DOCK3: variants seen among roughly 807,000 people sequenced by gnomAD.
The protein encoded by DOCK3 is dedicator of cytokinesis protein 3.
DOCK3 carries 60 observed loss-of-function variants against 265.6 expected under a neutral mutation model. That is an observed-to-expected ratio of 0.23 (90% CI 0.18 to 0.28). The LOEUF is 0.28. Ranked by LOEUF, DOCK3 falls within the 10% of genes least tolerant of loss-of-function variation. The pLI is 1.00. For synonymous variants in DOCK3, 881 were observed against 938.0 expected (o/e 0.94, Z 1.11); for missense variants, 1,981 against 2,594.3 (o/e 0.76, Z 5.14).
chr3:50,889,066 GGTGTGT>G (rs36180907), intron 3 of DOCK3, among the ~76,000 whole-genome samples: 2,272 of 134,186 alleles, frequency 0.017, 16 homozygotes, highest in Middle Eastern at 0.033. Flanking sequence ...TTAAGCCATG[GGTGTGT>G]GTGTGTGTGT....
chr3:51,032,119 C>CGTGTGTGTGT (rs1199409161), intron 5 of DOCK3, among the ~76,000 whole-genome samples: 9,010 of 148,984 alleles, frequency 0.06, 673 homozygotes, highest in East Asian at 0.27. Flanking sequence ...CCTCCCTCCT[C>CGTGTGTGTGT]GTGTGTGTGT....
chr3:50,903,780 T>A (rs554588150), intron 4 of DOCK3, among the ~76,000 whole-genome samples: 15 of 152,218 alleles, frequency 9.9e-5, no homozygotes, highest in African/African-American at 3.4e-4. Context: ...TATTTTTTTT[T>A]ATACTTTAAG....
intron 22 of DOCK3, among the ~76,000 whole-genome samples, chr3:51,250,272 A>T (rs1325763414): frequency 0.024 from 44 of 1,802 alleles, no homozygotes; most frequent in East Asian, 0.12. Context: ...TGATCAATAA[A>T]AAAAAAAAAA....
In DOCK3 at chr3:50,854,592, G is replaced by GTTTTTTTTTTTTTTTTTTTTTTTTTTTTT. The variant is rs71084118; in HGVS notation, c.162+12895_162+12896insTTTTTTTTTTTTTTTTTTTTTTTTTTTTT. On this transcript the variant is annotated intron_variant, in intron 3 of 52. Coordinates refer to ENST00000266037, the MANE Select transcript of DOCK3 (RefSeq NM_004947.5). The stretch of plus-strand genomic sequence containing the variant: ...GCTACAGATGAGCACCATCACACCA[G>GTTTTTTTTTTTTTTTTTTTTTTTTTTTTT]TTTTTTTTTTTTTTTTTTGGTGGTC... Among the ~76,000 whole-genome samples the GTTTTTTTTTTTTTTTTTTTTTTTTTTTTT allele has an allele frequency of 1.5e-4, 7 of 47,214 alleles. 3 individuals are homozygous for GTTTTTTTTTTTTTTTTTTTTTTTTTTTTT. The highest frequency in any genetic ancestry group is 2.1e-4 in the Non-Finnish European group (6 of 28,110). 31.0% of individuals were successfully genotyped at this position (47,214 alleles called of 152,430 possible). A position where few individuals can be genotyped will look rare whatever the true frequency, so the allele number is the denominator to read the frequency against.
intron 12 of DOCK3, among the ~76,000 whole-genome samples, chr3:51,198,400 G>A (rs893954999): frequency 6.6e-6 from 1 of 152,128 alleles, no homozygotes; most frequent in East Asian, 1.9e-4. Flanking sequence ...GACAGGTCTG[G>A]CCTCATTTTC....
chr3:50,992,892 C>T (rs879489037), intron 5 of DOCK3, among the ~76,000 whole-genome samples: 2 of 152,126 alleles, frequency 1.3e-5, no homozygotes, highest in African/African-American at 2.4e-5. Flanking sequence ...GTAATATTAG[C>T]CTATCGATCA....
chr3:50,917,942 A>T (rs2050216310), intron 4 of DOCK3, among the ~76,000 whole-genome samples: 1 of 151,842 alleles, frequency 6.6e-6, no homozygotes, highest in Non-Finnish European at 1.5e-5. Context: ...CCGGTGTGTG[A>T]TGTTCCCCAC....
At chr3:51,120,631 G>C (rs1465378529) in intron 9 of DOCK3, among the ~76,000 whole-genome samples, 1 of 152,154 alleles carries the variant, frequency 6.6e-6, no homozygotes, top group Non-Finnish European at 1.5e-5. Flanking sequence ...CCCCTGACTG[G>C]GGCTGCTGCC....
intron 12 of DOCK3, among the ~76,000 whole-genome samples, chr3:51,208,196 C>G (rs1055455484): frequency 1.3e-5 from 2 of 152,172 alleles, no homozygotes; most frequent in Non-Finnish European, 2.9e-5. Flanking sequence ...CTGCTAAGTC[C>G]TCCTTCCCCC....
chr3:51,373,799 C>T (rs1386159257), intron 49 of DOCK3, among the ~76,000 whole-genome samples: 1 of 152,200 alleles, frequency 6.6e-6, no homozygotes, highest in Non-Finnish European at 1.5e-5. Flanking sequence ...GCAAGTGTCA[C>T]AGAGCAAAAC....
intron 5 of DOCK3, among the ~76,000 whole-genome samples, chr3:51,060,178 A>G (rs1440229984): frequency 2.0e-5 from 1 of 50,902 alleles, no homozygotes; most frequent in Non-Finnish European, 3.6e-5. Context: ...TAAGACATCT[A>G]TTGCATATAA....
chr3:50,979,171 C>A lies in DOCK3; in HGVS notation c.315+45094C>A, dbSNP rs947328370. On this transcript the variant is annotated intron_variant, in intron 5 of 52. Transcript: ENST00000266037. ...CTATTCGGCCATCTTGGCTCCTCCC[C>A]CAGTGTGTTTCAATTTGTTTGTGTC... Among the ~76,000 whole-genome samples the A allele has an allele frequency of 2.6e-5, 4 of 152,178 alleles. No homozygotes were observed. The East Asian group carries it at 7.7e-4, about 29-fold the overall frequency.
At chr3:50,810,485 G>C (rs2043682442) in intron 2 of DOCK3, among the ~76,000 whole-genome samples, 1 of 152,080 alleles carries the variant, frequency 6.6e-6, no homozygotes, top group South Asian at 2.1e-4. Flanking sequence ...CTGGGTTGCA[G>C]TGAGCCGGTA....
chr3:51,219,802 C>A (rs977161712), intron 14 of DOCK3, among the ~76,000 whole-genome samples: 2 of 152,178 alleles, frequency 1.3e-5, no homozygotes, highest in African/African-American at 4.8e-5. Flanking sequence ...GCTGGTCAAT[C>A]TGAGTGTCAA....
chr3:50,710,380 C>T (rs377152171), intron 1 of DOCK3, among the ~76,000 whole-genome samples: 10 of 151,970 alleles, frequency 6.6e-5, no homozygotes, highest in Non-Finnish European at 1.5e-4. Flanking sequence ...TCTCAAAAGA[C>T]GATATACAAA....
chr3:51,235,301 T>C (rs990388250), intron 19 of DOCK3, among the ~76,000 whole-genome samples: 8 of 152,194 alleles, frequency 5.3e-5, no homozygotes, highest in Non-Finnish European at 1.2e-4. Flanking sequence ...ATATTGAAAA[T>C]ATCAACCAGT....
At chr3:50,918,781 T>C (rs889428751) in intron 4 of DOCK3, among the ~76,000 whole-genome samples, 1 of 152,162 alleles carries the variant, frequency 6.6e-6, no homozygotes, top group Non-Finnish European at 1.5e-5. Context: ...CCCATTTGTC[T>C]ATTTTGGCTT....
chr3:51,309,444 C>T (rs1232614023), intron 27 of DOCK3, among the ~76,000 whole-genome samples: 2 of 152,120 alleles, frequency 1.3e-5, no homozygotes, highest in African/African-American at 2.4e-5. Context: ...ACCAGTCAGG[C>T]GTGGCGGCGC....
At chr3:50,889,066 G>GGTTT (rs1553558567) in intron 3 of DOCK3, among the ~76,000 whole-genome samples, 3 of 134,268 alleles carry the variant, frequency 2.2e-5, no homozygotes, top group African/African-American at 8.3e-5. Context: ...TTAAGCCATG[G>GGTTT]GTGTGTGTGT....
Sources: gnomAD v4.1 joint callset for allele counts (sites outside exome capture counted in the v4.1 genomes callset) on GRCh38, gnomAD v4.1.1 for gene constraint, MANE v1.5 for transcripts, NCBI Gene and HGNC (gene_info 2026-07-23, HGNC 2026-07-21) for gene names.